The following PLCB1 variants were observed in gnomAD, a reference collection of about 807,000 sequenced individuals.
PLCB1 encodes the protein 1-phosphatidylinositol 4,5-bisphosphate phosphodiesterase beta-1.
A neutral mutation model predicts 161.8 loss-of-function variants in PLCB1; 46 were observed. The ratio of observed to expected loss-of-function variants is 0.28; its 90% CI spans 0.22 to 0.36. The LOEUF (loss-of-function observed/expected upper bound fraction) is 0.36. Among genes scored for constraint, PLCB1 ranks in the 10% least tolerant of loss-of-function variants. The probability of loss-of-function intolerance (pLI) is 1.00; values close to 1 mark genes in which losing one functional copy is unlikely to be tolerated. For synonymous variants in PLCB1, 517 were observed against 503.7 expected, an observed-to-expected ratio of 1.03 and a Z score of -0.35; for missense variants, 1,016 against 1,472.5, an observed-to-expected ratio of 0.69 and a Z score of 5.07.
intron 31 of PLCB1, among the ~76,000 whole-genome samples, chr20:8,851,398 T>G (rs943330514): frequency 6.6e-6 from 1 of 152,238 alleles, no homozygotes; most frequent in Non-Finnish European, 1.5e-5. Context: ...TAAACTTGCT[T>G]CAACAGGCCA....
chr20:8,789,785 A>G (rs1402332404), intron 30 of PLCB1, among the ~76,000 whole-genome samples: 1 of 152,254 alleles, frequency 6.6e-6, no homozygotes, highest in Non-Finnish European at 1.5e-5. Context: ...ATCTAAAAAT[A>G]GAGTCAAGTC....
chr20:8,865,496 G>A (rs944373520), intron 31 of PLCB1, among the ~76,000 whole-genome samples: 1 of 152,150 alleles, frequency 6.6e-6, no homozygotes, highest in Non-Finnish European at 1.5e-5. Flanking sequence ...GTATTGGTTA[G>A]CATAATACTG....
intron 2 of PLCB1, among the ~76,000 whole-genome samples, chr20:8,206,984 A>C (rs1978569220): frequency 1.1e-5 from 1 of 94,642 alleles, no homozygotes. Flanking sequence ...ATACAAGGAG[A>C]ATAAAAATTG....
chr20:8,271,671 A>G (rs1982290663), intron 2 of PLCB1, among the ~76,000 whole-genome samples: 1 of 152,118 alleles, frequency 6.6e-6, no homozygotes, highest in Admixed American at 6.6e-5. Flanking sequence ...GGCAAGGTAG[A>G]GAGTCTTGTC....
At chr20:8,495,554 T>A (rs952133345) in intron 3 of PLCB1, among the ~76,000 whole-genome samples, 1 of 103,974 alleles carries the variant, frequency 9.6e-6, no homozygotes, top group African/African-American at 3.1e-5. Flanking sequence ...CCCGCCACCA[T>A]GGCCGGCTAA....
intron 2 of PLCB1, among the ~76,000 whole-genome samples, chr20:8,323,287 A>G (rs1984995619): frequency 6.6e-6 from 1 of 152,230 alleles, no homozygotes; most frequent in Admixed American, 6.5e-5. Context: ...GCTGTATAAC[A>G]TAACATCCCA....
At chr20:8,300,543 T>TTTTAA (rs1555796433) in intron 2 of PLCB1, among the ~76,000 whole-genome samples, 1 of 152,124 alleles carries the variant, frequency 6.6e-6, no homozygotes, top group African/African-American at 2.4e-5. Context: ...AAGTGGTTTT[T>TTTTAA]TTTTATTATT....
In PLCB1 at chr20:8,684,067, G is replaced by A. The variant is rs1474284776; in HGVS notation, c.863-865G>A. Among the ~76,000 whole-genome samples the A allele has an allele frequency of 4.0e-5, 6 of 151,534 alleles. No homozygotes were observed. The East Asian group carries it at 9.8e-4, about 25-fold the overall frequency. On this transcript the variant is annotated intron_variant, in intron 9 of 31. Coordinates refer to ENST00000338037, the MANE Select transcript of PLCB1 (RefSeq NM_015192.4). ...CCCGGCTAATTTTTCTGTATTTTTA[G>A]TAGAGACGAGGTTTCACCGTGTTAG... is the stretch of plus-strand genomic sequence containing the variant.
intron 3 of PLCB1, among the ~76,000 whole-genome samples, chr20:8,399,461 T>G (rs1978448971): frequency 6.6e-6 from 1 of 152,148 alleles, no homozygotes; most frequent in African/African-American, 2.4e-5. Flanking sequence ...TTCTGGAATA[T>G]TTTTTACTAT....
intron 31 of PLCB1, among the ~76,000 whole-genome samples, chr20:8,842,041 C>T (rs1422728981): frequency 2.6e-5 from 4 of 151,114 alleles, no homozygotes; most frequent in African/African-American, 9.7e-5. Flanking sequence ...TTTGGAAGTA[C>T]CTTGGCTTAT....
At chr20:8,735,882 T>G (rs1017242489) in intron 19 of PLCB1, among the ~76,000 whole-genome samples, 1 of 152,240 alleles carries the variant, frequency 6.6e-6, no homozygotes, top group Non-Finnish European at 1.5e-5. Flanking sequence ...GCCTTCCTGA[T>G]GACTTTCTCT....
intron 2 of PLCB1, among the ~76,000 whole-genome samples, chr20:8,240,027 G>A (rs989700792): frequency 2.0e-5 from 3 of 151,882 alleles, no homozygotes; most frequent in African/African-American, 7.2e-5. Flanking sequence ...TCAGATTTCT[G>A]AAAACAAATT....
intron 2 of PLCB1, among the ~76,000 whole-genome samples, chr20:8,204,716 A>G (rs1978436723): frequency 6.6e-6 from 1 of 152,104 alleles, no homozygotes; most frequent in African/African-American, 2.4e-5. Flanking sequence ...GAGCCAATTA[A>G]GCCTCTTTTC....
intron 2 of PLCB1, among the ~76,000 whole-genome samples, chr20:8,340,183 T>C (rs2719775): frequency 0.51 from 76,797 of 151,858 alleles, 19,662 homozygotes; most frequent in South Asian, 0.6. Flanking sequence ...AATTCCTGCC[T>C]AGGCCTCTGC....
intron 3 of PLCB1, among the ~76,000 whole-genome samples, chr20:8,502,304 C>T (rs887280077): frequency 6.6e-6 from 1 of 152,090 alleles, no homozygotes; most frequent in African/African-American, 2.4e-5. Context: ...TTCTCTTATT[C>T]TTGTCAGCAC....
chr20:8,733,397 G>T lies in PLCB1; in HGVS notation c.2043+5G>T. 1 of 1,612,492 alleles carries T rather than the reference G, an allele frequency of 6.2e-7. No individual in the cohort carries two copies. Among genetic ancestry groups the T allele is most frequent in the Non-Finnish European group, 8.5e-7 (1 of 1,178,732 alleles). ...GCAAACACTTTGTCTGTTAAGGTAGGTATACCCCATCACAAAATTGTTCCT... is the reference window on the plus strand; with the variant it reads ...GCAAACACTTTGTCTGTTAAGGTAGTTATACCCCATCACAAAATTGTTCCT... On this transcript the variant is annotated splice_donor_5th_base_variant and intron_variant, in intron 19 of 31. Transcript: ENST00000338037.
intron 2 of PLCB1, among the ~76,000 whole-genome samples, chr20:8,331,191 A>G (rs1410514070): frequency 1.3e-5 from 2 of 152,244 alleles, no homozygotes; most frequent in Non-Finnish European, 2.9e-5. Context: ...AAAACCTTGT[A>G]TGACTGAAAT....
At chr20:8,619,427 AAAAAAAAG>A (rs1439507169) in intron 3 of PLCB1, among the ~76,000 whole-genome samples, 19 of 152,124 alleles carry the variant, frequency 1.2e-4, no homozygotes, top group African/African-American at 3.4e-4. Context: ...TAAAAAGAAA[AAAAAAAAG>A]AAAAAAAGAA....
chr20:8,732,022 C>T (rs1980275844), intron 18 of PLCB1: 1 of 151,890 alleles, frequency 6.6e-6, no homozygotes, highest in Non-Finnish European at 1.5e-5. Flanking sequence ...TGACAACTTC[C>T]CAGATTCTTT....
Sources: allele counts gnomAD v4.1 joint callset (sites outside exome capture counted in the v4.1 genomes callset), GRCh38; gene constraint gnomAD v4.1.1; transcripts MANE v1.5; gene names NCBI Gene and HGNC (gene_info 2026-07-23, HGNC 2026-07-21).